The following ADGRV1 variants were observed in gnomAD, a reference collection of about 807,000 sequenced individuals.
The protein encoded by ADGRV1 is adhesion G protein-coupled receptor V1.
In ADGRV1, 359 loss-of-function variants were observed where a neutral mutation model predicts 596.2. The observed-to-expected ratio is 0.60, with a 90% CI of 0.55 to 0.66. The LOEUF is 0.66. Ranked by LOEUF, ADGRV1 falls within the 30% of genes least tolerant of loss-of-function variation. ADGRV1 has a pLI of 0.00. For missense variants in ADGRV1, 7,274 were observed against 7,575.6 expected (o/e 0.96, Z 1.48); for synonymous variants, 2,681 against 2,679.2 (o/e 1.00, Z -0.02).
At chr5:90,832,529 A>G (rs1764607230) in intron 77 of ADGRV1, among the ~76,000 whole-genome samples, 1 of 152,058 alleles carries the variant, frequency 6.6e-6, no homozygotes, top group South Asian at 2.1e-4. Context: ...TAGTTTGCAG[A>G]TATTTTCTCC....
At chr5:90,643,755 G>T in intron 13 of ADGRV1, 48 bp from the exon 14 acceptor site, 1 of 1,375,270 alleles carries the variant, frequency 7.3e-7, no homozygotes, top group Non-Finnish European at 9.9e-7. Context: ...TAAATTTGTT[G>T]TGAAAAGTCA....
chr5:90,639,229 A>G (rs1452973553), intron 11 of ADGRV1, among the ~76,000 whole-genome samples: 1 of 152,112 alleles, frequency 6.6e-6, no homozygotes, highest in Non-Finnish European at 1.5e-5. Context: ...ATTGGAAATT[A>G]TTTTTTTCAT....
At chr5:90,732,509 G>A (rs780119341) in intron 50 of ADGRV1, among the ~76,000 whole-genome samples, 27 of 152,060 alleles carry the variant, frequency 1.8e-4, no homozygotes, top group Non-Finnish European at 1.0e-4. Flanking sequence ...CAAGTATACA[G>A]TACATTATTG....
intron 70 of ADGRV1, among the ~76,000 whole-genome samples, chr5:90,799,347 A>T (rs925489054): frequency 2.0e-5 from 3 of 152,190 alleles, no homozygotes; most frequent in South Asian, 2.1e-4. Context: ...AGAGAATAAA[A>T]TACCTAGGAA....
intron 84 of ADGRV1, among the ~76,000 whole-genome samples, chr5:90,976,298 A>ATATGTG (rs1554185103): frequency 8.4e-6 from 1 of 119,000 alleles, no homozygotes; most frequent in African/African-American, 3.3e-5. Context: ...GTGTGTGTAT[A>ATATGTG]TGTGTGTGTG....
chr5:90,808,282 G>T (rs1486145601), intron 73 of ADGRV1, among the ~76,000 whole-genome samples: 3 of 152,170 alleles, frequency 2.0e-5, no homozygotes, highest in African/African-American at 7.2e-5. Context: ...GACTCGACCA[G>T]AGCAGCAGAG....
rs546301293 is a variant in ADGRV1 at position 91,067,669 on chromosome 5, G to A, written c.18153-4778G>A. ...CTAGAGTAATTCAATAATTGAGTCA[G>A]TAATTTTCCCTATTTTGCTGTCCCA... On this transcript the variant is annotated intron_variant, in intron 85 of 89. Transcript: ENST00000405460. Among the ~76,000 whole-genome samples, 59 of 152,290 alleles carry A rather than the reference G, an allele frequency of 3.9e-4. 1 individual carries two copies. The South Asian group carries it at 0.012, about 32-fold the overall frequency.
At chr5:90,935,569 G>GA (rs1241621336) in intron 83 of ADGRV1, among the ~76,000 whole-genome samples, 3 of 152,134 alleles carry the variant, frequency 2.0e-5, no homozygotes, top group Admixed American at 6.5e-5. Flanking sequence ...TTATTCAACA[G>GA]AAAAAAACCT....
At chr5:91,087,457 C>A (rs58524182) in intron 86 of ADGRV1, among the ~76,000 whole-genome samples, 1 of 150,632 alleles carries the variant, frequency 6.6e-6, no homozygotes, top group Admixed American at 6.6e-5. Flanking sequence ...CCACTGTGCC[C>A]GGCTAATTTT....
chr5:90,585,734 C>T (rs1394639), intron 1 of ADGRV1, among the ~76,000 whole-genome samples: 2 of 152,148 alleles, frequency 1.3e-5, no homozygotes, highest in African/African-American at 4.8e-5. Flanking sequence ...AGCAGTCCCG[C>T]ATGTTAGGAT....
chr5:91,094,192 G>A lies in ADGRV1; in HGVS notation c.18311-8027G>A, dbSNP rs539843236. Reference sequence around the variant, plus strand: ...ATGTTTCTCTGGGCCGGGCACAGTGGCTCACGCCTATAAACCCAGCACTTT... The same window carrying A: ...ATGTTTCTCTGGGCCGGGCACAGTGACTCACGCCTATAAACCCAGCACTTT... On this transcript the variant is annotated intron_variant, in intron 86 of 89. Transcript: ENST00000405460. Among the ~76,000 whole-genome samples, 38 of 152,110 alleles carry A rather than the reference G, an allele frequency of 2.5e-4. 1 individual carries two copies. The South Asian group carries it at 7.9e-3, about 32-fold the overall frequency.
intron 85 of ADGRV1, among the ~76,000 whole-genome samples, chr5:91,043,088 G>T (rs1034503759): frequency 1.3e-5 from 2 of 152,072 alleles, no homozygotes; most frequent in African/African-American, 4.8e-5. Context: ...TTCACCATCT[G>T]GGAAAGTCAG....
intron 85 of ADGRV1, among the ~76,000 whole-genome samples, chr5:91,004,496 A>T (rs1223688595): frequency 6.6e-6 from 1 of 152,166 alleles, no homozygotes; most frequent in Middle Eastern, 3.2e-3. Context: ...TTAGGGAAAG[A>T]AAGTGGTGAT....
intron 87 of ADGRV1, among the ~76,000 whole-genome samples, chr5:91,117,840 G>C (rs1050615870): frequency 2.0e-5 from 3 of 152,100 alleles, no homozygotes; most frequent in African/African-American, 7.2e-5. Flanking sequence ...TAAGCCTCAG[G>C]TTCCCTCTTC....
intron 20 of ADGRV1, among the ~76,000 whole-genome samples, 200 bp from the exon 21 acceptor site, chr5:90,657,704 TA>T (rs1769621072): frequency 6.6e-6 from 1 of 152,158 alleles, no homozygotes; most frequent in Admixed American, 6.5e-5. Flanking sequence ...TAGTACAAAA[TA>T]TAAATCCTAA....
chr5:91,017,928 T>C (rs984935415), intron 85 of ADGRV1, among the ~76,000 whole-genome samples: 2 of 151,876 alleles, frequency 1.3e-5, no homozygotes, highest in Admixed American at 6.6e-5. Context: ...CATAACTAAA[T>C]TGTTAACAGA....
intron 83 of ADGRV1, among the ~76,000 whole-genome samples, chr5:90,933,832 G>T (rs1268404212): frequency 1.3e-5 from 2 of 152,112 alleles, no homozygotes; most frequent in African/African-American, 2.4e-5. Flanking sequence ...ATAACTATTT[G>T]TTCACAGCTG....
intron 86 of ADGRV1, among the ~76,000 whole-genome samples, chr5:91,097,983 C>A (rs1371836286): frequency 2.0e-5 from 3 of 152,072 alleles, no homozygotes; most frequent in Admixed American, 6.6e-5. Context: ...ATACTCATTT[C>A]TTGGGTGCAA....
At chr5:90,894,198 C>T (rs1462457473) in intron 83 of ADGRV1, among the ~76,000 whole-genome samples, 2 of 152,182 alleles carry the variant, frequency 1.3e-5, no homozygotes, top group African/African-American at 2.4e-5. Context: ...ATGGCACATG[C>T]TATTCCCAAG....
Sources: allele counts gnomAD v4.1 joint callset (sites outside exome capture counted in the v4.1 genomes callset), GRCh38; gene constraint gnomAD v4.1.1; transcripts MANE v1.5; gene names NCBI Gene and HGNC (gene_info 2026-07-23, HGNC 2026-07-21).